Variants in PCSK6 observed in about 807,000 individuals in gnomAD.
PCSK6 encodes the protein proprotein convertase subtilisin/kexin type 6.
In PCSK6, 85 loss-of-function variants were observed where a neutral mutation model predicts 123.3. The ratio of observed to expected loss-of-function variants is 0.69; its 90% CI spans 0.58 to 0.83. The LOEUF (loss-of-function observed/expected upper bound fraction) is 0.83. Among genes scored for constraint, PCSK6 ranks in the 40% least tolerant of loss-of-function variants. PCSK6 has a pLI of 0.00. For synonymous variants in PCSK6, 508 were observed against 516.0 expected (o/e 0.98, Z 0.21); for missense variants, 1,191 against 1,282.3 (o/e 0.93, Z 1.09).
chr15:101,461,708 GT>G (rs1329910670), intron 1 of PCSK6, among the ~76,000 whole-genome samples: 18 of 152,246 alleles, frequency 1.2e-4, no homozygotes, highest in Middle Eastern at 3.4e-3. Flanking sequence ...GTCAATAACT[GT>G]AATTTTTACA....
In PCSK6 at chr15:101,441,729, T is replaced by C. The variant is rs2056758474; in HGVS notation, c.402+1827A>G. Among the ~76,000 whole-genome samples, 3 of 152,318 alleles carry C rather than the reference T, an allele frequency of 2.0e-5. No homozygotes were observed. In the South Asian group the frequency reaches 6.2e-4, roughly 32 times the overall value. On this transcript the variant is annotated intron_variant, in intron 2 of 21. Transcript: ENST00000611716. ...ACGGTCCCCGTCTCTTCTCAGAGCATGCTTATGAGATGGGCTTCCTGCATG... is the reference window on the plus strand; with the variant it reads ...ACGGTCCCCGTCTCTTCTCAGAGCACGCTTATGAGATGGGCTTCCTGCATG...
At chr15:101,380,325 G>A (rs191415705) in intron 11 of PCSK6, among the ~76,000 whole-genome samples, 47 of 152,324 alleles carry the variant, frequency 3.1e-4, no homozygotes, top group Middle Eastern at 3.4e-3. Context: ...TTCAGGAGCC[G>A]CCCTGACGGG....
At chr15:101,457,848 G>A (rs56724318) in intron 1 of PCSK6, among the ~76,000 whole-genome samples, 40,372 of 152,114 alleles carry the variant, frequency 0.27, 6,051 homozygotes, top group African/African-American at 0.41. Context: ...ATGAGCCTGC[G>A]CTATCTGTCC....
intron 9 of PCSK6, among the ~76,000 whole-genome samples, chr15:101,385,693 T>G (rs909328746): frequency 6.6e-6 from 1 of 152,214 alleles, no homozygotes; most frequent in African/African-American, 2.4e-5. Flanking sequence ...TTCTAATCAG[T>G]ATTAAATGCT....
chr15:101,336,112 T>G (rs1023266605), intron 13 of PCSK6, among the ~76,000 whole-genome samples: 3 of 152,224 alleles, frequency 2.0e-5, no homozygotes, highest in African/African-American at 7.2e-5. Context: ...CTTGGTCACA[T>G]AGGGAGCAAC....
At position 101,398,803 on chromosome 15, in the gene PCSK6, G is replaced by T. The variant is rs997890132; in HGVS notation, c.824-227C>A. On this transcript the variant is annotated intron_variant, in intron 6 of 21. Coordinates refer to ENST00000611716, the MANE Select transcript of PCSK6 (RefSeq NM_002570.5). This position sits in a 1 kb window ranked among gnomAD's most constrained non-coding sequence, Gnocchi z 4.6. ...AAGCAAGCTACGTCCCAAAGAGAGG[G>T]TTCAGCTTCCCTCAGTGCTATGATG... Among the ~76,000 whole-genome samples the T allele has an allele frequency of 2.0e-5, 3 of 152,190 alleles. No individual in the cohort carries two copies. Among genetic ancestry groups the T allele is most frequent in the Non-Finnish European group, 4.4e-5 (3 of 68,036 alleles).
chr15:101,349,390 T>C (rs937055439), intron 13 of PCSK6, among the ~76,000 whole-genome samples: 5 of 152,274 alleles, frequency 3.3e-5, no homozygotes, highest in South Asian at 4.1e-4. Flanking sequence ...GCCAACCCAA[T>C]AGCAGCCCAG....
rs984403447 is a variant in PCSK6, at chr15:101,412,241, T to A, written c.824-13665A>T. On this transcript the variant is annotated intron_variant, in intron 6 of 21. Coordinates refer to ENST00000611716, the MANE Select transcript of PCSK6 (RefSeq NM_002570.5). ...AGTCAGGTATAGCCTCATAACATAA[T>A]GCAAAAATGTACAGGTTTCAAAGGA... is the stretch of plus-strand genomic sequence containing the variant. Among the ~76,000 whole-genome samples the A allele has an allele frequency of 3.3e-5, 5 of 152,168 alleles. No homozygotes were observed. The South Asian group carries it at 1.0e-3, about 32-fold the overall frequency.
At chr15:101,441,452 C>T (rs1040175035) in intron 2 of PCSK6, among the ~76,000 whole-genome samples, 5 of 151,976 alleles carry the variant, frequency 3.3e-5, no homozygotes, top group African/African-American at 1.2e-4. Flanking sequence ...ACACAGAGAC[C>T]TGCTGGGCAG....
At position 101,354,759 on chromosome 15, in the gene PCSK6, C is replaced by G. The variant is rs117575640; in HGVS notation, c.1858+11437G>C. On this transcript the variant is annotated intron_variant, in intron 13 of 21. Coordinates refer to ENST00000611716, the MANE Select transcript of PCSK6 (RefSeq NM_002570.5). ...CAGTCCCAAGAATCCCCAACCTTTT[C>G]TCAATCTGGTTTCGCCCACCCTCTT... Among the ~76,000 whole-genome samples the G allele has an allele frequency of 5.3e-5, 8 of 152,356 alleles. No individual in the cohort carries two copies. In the East Asian group the frequency reaches 1.3e-3, roughly 26 times the overall value.
intron 6 of PCSK6, among the ~76,000 whole-genome samples, chr15:101,423,911 TA>T (rs965606100): frequency 2.0e-5 from 3 of 152,160 alleles, no homozygotes; most frequent in Admixed American, 1.3e-4. Flanking sequence ...CAGATATTTT[TA>T]AAAATAACAT....
chr15:101,455,541 C>T (rs1180455756), intron 1 of PCSK6, among the ~76,000 whole-genome samples: 1 of 152,200 alleles, frequency 6.6e-6, no homozygotes, highest in African/African-American at 2.4e-5. Flanking sequence ...TATCCTGGAG[C>T]CTATCCCAAA....
intron 11 of PCSK6, among the ~76,000 whole-genome samples, chr15:101,372,305 A>G (rs4965834): frequency 0.18 from 26,796 of 152,164 alleles, 3,726 homozygotes; most frequent in East Asian, 0.55. Context: ...CCCGGGAGGC[A>G]TGAGGCGTTC....
chr15:101,432,875 T>C (rs1438766992), intron 2 of PCSK6, among the ~76,000 whole-genome samples: 1 of 152,198 alleles, frequency 6.6e-6, no homozygotes, highest in African/African-American at 2.4e-5. Context: ...ATTGGAATAT[T>C]TGGCAGCCAC....
intron 1 of PCSK6, among the ~76,000 whole-genome samples, chr15:101,479,132 C>A (rs1283308865): frequency 6.6e-6 from 1 of 152,208 alleles, no homozygotes; most frequent in Non-Finnish European, 1.5e-5. Context: ...ACCCCGCACG[C>A]CATGGCCGAG....
chr15:101,343,490 T>C (rs2040665542), intron 13 of PCSK6, among the ~76,000 whole-genome samples: 1 of 152,198 alleles, frequency 6.6e-6, no homozygotes, highest in Admixed American at 6.5e-5. Flanking sequence ...AGCCATAAAG[T>C]TGTCTAACTA....
Position 101,383,409 on chromosome 15 carries a change from CAAAAAAA to C in PCSK6, c.1414+906_1414+912del, listed in dbSNP as rs35670221. On this transcript the variant is annotated intron_variant, in intron 10 of 21. Coordinates refer to ENST00000611716, the MANE Select transcript of PCSK6 (RefSeq NM_002570.5). ...TGGGCAACAAGACGAGACTCTGTCT[CAAAAAAA>C]AAAAAAAAAAAAAAAAGAAGTCAGG... Among the ~76,000 whole-genome samples, 582 of 76,508 alleles carry C rather than the reference CAAAAAAA, an allele frequency of 7.6e-3. 5 individuals carry two copies. Among genetic ancestry groups the C allele is most frequent in the African/African-American group, 0.028 (551 of 19,920 alleles). 50.2% of individuals were successfully genotyped at this position (76,508 alleles called of 152,430 possible).
At position 101,366,309 on chromosome 15, in the gene PCSK6, C is replaced by G; in HGVS notation, c.1745G>C (p.Gly582Ala). ...AKRLLDLSNE[G>A]FTNWEFMTVH... ...AGTCATGAATTCCCAGTTTGTAAAC[C>G]CTTCATTGGAAAGATCCAGCAACCT... The change falls in exon 13 of 22, where the codon GGG becomes GCG. Residue 582 changes from glycine to alanine, a missense_variant. Gly to Ala is a moderately conservative substitution (Grantham distance 60). Around this residue, in one of 3 missense-constraint regions of PCSK6, gnomAD observed 630 missense variants for 631.4 expected, o/e 1.00. Transcript: ENST00000611716. The G allele has an allele frequency of 6.2e-7, 1 of 1,612,904 alleles. No individual in the cohort carries two copies.
At chr15:101,344,831 T>G (rs1315145447) in intron 13 of PCSK6, among the ~76,000 whole-genome samples, 1 of 152,070 alleles carries the variant, frequency 6.6e-6, no homozygotes, top group Non-Finnish European at 1.5e-5. Context: ...AATTTTTGTA[T>G]TTTTAGTAGA....
Sources: gnomAD v4.1 joint callset for allele counts (sites outside exome capture counted in the v4.1 genomes callset) on GRCh38, gnomAD v4.1.1 for gene constraint, gnomAD v4.1.1 regional missense constraint, Gnocchi (gnomAD v3.1) non-coding constraint, MANE v1.5 for transcripts, NCBI Gene and HGNC (gene_info 2026-07-23, HGNC 2026-07-21) for gene names.